Variants in RXFP1 observed in about 807,000 individuals in gnomAD.
The protein encoded by RXFP1 is relaxin receptor 1.
RXFP1 carries 73 observed loss-of-function variants against 89.8 expected under a neutral mutation model. That is an observed-to-expected ratio of 0.81 (90% CI 0.67 to 0.99). The LOEUF is 0.99. Ranked by LOEUF, RXFP1 falls within the 50% of genes least tolerant of loss-of-function variation. The pLI, the probability that RXFP1 is intolerant of heterozygous loss-of-function variation, is 0.00. For missense variants in RXFP1, 793 were observed against 895.5 expected (o/e 0.89, Z 1.46); for synonymous variants, 277 against 305.5 (o/e 0.91, Z 0.97).
chr4:158,588,590 C>T (rs959802133), intron 2 of RXFP1, among the ~76,000 whole-genome samples: 1 of 152,156 alleles, frequency 6.6e-6, no homozygotes, highest in African/African-American at 2.4e-5. Flanking sequence ...CTGTTTTAGA[C>T]AGAGCAGCAA....
At chr4:158,569,167 A>G (rs1208459742) in intron 1 of RXFP1, among the ~76,000 whole-genome samples, 2 of 152,214 alleles carry the variant, frequency 1.3e-5, no homozygotes, top group Non-Finnish European at 1.5e-5. Context: ...GTCTTTCAGT[A>G]AGTGAGTGGA....
intron 14 of RXFP1, among the ~76,000 whole-genome samples, chr4:158,642,681 C>G (rs1770611315): frequency 6.6e-6 from 1 of 152,122 alleles, no homozygotes; most frequent in African/African-American, 2.4e-5. Flanking sequence ...ATCCATTCAT[C>G]TGTTCATCAA....
intron 1 of RXFP1, among the ~76,000 whole-genome samples, chr4:158,532,797 A>G (rs1167414148): frequency 1.3e-5 from 2 of 152,202 alleles, no homozygotes; most frequent in Non-Finnish European, 2.9e-5. Flanking sequence ...TTCGGGGCTG[A>G]CAAAGGCCCT....
intron 1 of RXFP1, among the ~76,000 whole-genome samples, chr4:158,533,529 T>C (rs1401413693): frequency 1.3e-5 from 2 of 152,238 alleles, no homozygotes; most frequent in Non-Finnish European, 2.9e-5. Context: ...CACTGTATAA[T>C]AGACACAAGT....
Position 158,652,233 on chromosome 4 carries a change from CA to C in RXFP1, c.*180del. 1 of 539,684 alleles carries C rather than the reference CA, an allele frequency of 1.9e-6. No individual in the cohort carries two copies. Among genetic ancestry groups the C allele is most frequent in the Non-Finnish European group, 3.2e-6 (1 of 311,276 alleles). The allele number at this position is 539,684 out of a possible 1,614,324, so 33.4% of individuals were successfully genotyped here. A position where few individuals can be genotyped will look rare whatever the true frequency, so the allele number is the denominator to read the frequency against. On this transcript the variant is annotated 3_prime_UTR_variant, in exon 18 of 18. Coordinates refer to ENST00000307765, the MANE Select transcript of RXFP1 (RefSeq NM_021634.4). ...CTCTTACAAAGGGAAGTAATTATAT[CA>C]ATAATGTATATATATTAGTAGACAT...
chr4:158,646,613 A>G (rs569985958), intron 15 of RXFP1, 178 bp from the exon 16 acceptor site: 2 of 1,408,642 alleles, frequency 1.4e-6, no homozygotes, highest in Non-Finnish European at 1.8e-6. Flanking sequence ...GTGGTTACCA[A>G]AGAGAGTCTA....
At chr4:158,610,123 G>A (rs997335752) in intron 6 of RXFP1, among the ~76,000 whole-genome samples, 6 of 152,052 alleles carry the variant, frequency 3.9e-5, no homozygotes, top group Non-Finnish European at 8.8e-5. Flanking sequence ...AAATTAGCCG[G>A]GCATGGTGGC....
intron 8 of RXFP1, 143 bp from the exon 9 acceptor site, chr4:158,616,988 C>CAAAA: frequency 6.8e-6 from 3 of 442,668 alleles, no homozygotes; most frequent in Non-Finnish European, 7.6e-6. Flanking sequence ...GCCTCCATCT[C>CAAAA]AAAAAAAAAA....
intron 1 of RXFP1, among the ~76,000 whole-genome samples, chr4:158,546,370 T>A (rs1223684822): frequency 6.6e-6 from 1 of 152,224 alleles, no homozygotes; most frequent in Non-Finnish European, 1.5e-5. Flanking sequence ...TGGGGTTTTC[T>A]AGGTATATAA....
chr4:158,585,610 G>A (rs1027343889), intron 2 of RXFP1, among the ~76,000 whole-genome samples: 1 of 151,946 alleles, frequency 6.6e-6, no homozygotes, highest in Non-Finnish European at 1.5e-5. Flanking sequence ...ACTTTATGAG[G>A]ACTAGTAAGA....
chr4:158,648,852 C>A, intron 17 of RXFP1, 135 bp downstream of exon 17: 1 of 621,968 alleles, frequency 1.6e-6, no homozygotes, highest in Non-Finnish European at 2.7e-6. Flanking sequence ...GTGGCTCATG[C>A]CTATAATCCC....
intron 1 of RXFP1, among the ~76,000 whole-genome samples, chr4:158,552,797 G>A (rs769514556): frequency 3.9e-5 from 6 of 152,176 alleles, no homozygotes; most frequent in African/African-American, 7.2e-5. Context: ...AGGTATCACC[G>A]TATTGTTCAA....
intron 15 of RXFP1, among the ~76,000 whole-genome samples, chr4:158,645,386 T>G (rs1212622769): frequency 1.3e-5 from 2 of 152,232 alleles, no homozygotes; most frequent in African/African-American, 4.8e-5. Flanking sequence ...TAGTTCTCTC[T>G]CATACAGTGG....
At chr4:158,599,928 C>A (rs1761364170) in intron 4 of RXFP1, among the ~76,000 whole-genome samples, 1 of 152,094 alleles carries the variant, frequency 6.6e-6, no homozygotes. Context: ...CATTTTGAGT[C>A]ATAGATGTTA....
intron 15 of RXFP1, among the ~76,000 whole-genome samples, 188 bp downstream of exon 15, chr4:158,645,326 A>C (rs1771306451): frequency 6.6e-6 from 1 of 152,250 alleles, no homozygotes; most frequent in South Asian, 2.1e-4. Context: ...TATGTTTTTT[A>C]AACTAGGAAA....
At chr4:158,623,755 G>A (rs1456063057) in intron 9 of RXFP1, among the ~76,000 whole-genome samples, 2 of 152,136 alleles carry the variant, frequency 1.3e-5, no homozygotes, top group African/African-American at 2.4e-5. Flanking sequence ...GGAGGTCGAA[G>A]TATTACAGTG....
intron 1 of RXFP1, among the ~76,000 whole-genome samples, chr4:158,538,353 G>C (rs1445881041): frequency 6.6e-6 from 1 of 152,158 alleles, no homozygotes; most frequent in African/African-American, 2.4e-5. Flanking sequence ...TCGCACTCTG[G>C]GGAAAGAAGC....
chr4:158,568,197 C>T (rs576129547), intron 1 of RXFP1, among the ~76,000 whole-genome samples: 13 of 152,348 alleles, frequency 8.5e-5, no homozygotes, highest in Admixed American at 2.0e-4. Context: ...TCTAGACTCG[C>T]TGCTTCTAAG....
chr4:158,642,462 C>T (rs1350578704), intron 14 of RXFP1, among the ~76,000 whole-genome samples: 1 of 152,152 alleles, frequency 6.6e-6, no homozygotes, highest in Non-Finnish European at 1.5e-5. Context: ...TTACCCTCCC[C>T]AGCCTGTAGT....
Sources: gnomAD v4.1 joint callset for allele counts (sites outside exome capture counted in the v4.1 genomes callset) on GRCh38, gnomAD v4.1.1 for gene constraint, MANE v1.5 for transcripts, NCBI Gene and HGNC (gene_info 2026-07-23, HGNC 2026-07-21) for gene names.